The following TBC1D5 variants were observed in gnomAD, a reference collection of about 807,000 sequenced individuals.
TBC1D5 encodes the protein TBC1 domain family, member 5.
TBC1D5 carries 75 observed loss-of-function variants against 100.3 expected under a neutral mutation model. The observed-to-expected ratio is 0.75, with a 90% CI of 0.62 to 0.91. The LOEUF (loss-of-function observed/expected upper bound fraction) is 0.91. Ranked by LOEUF, TBC1D5 falls within the 40% of genes least tolerant of loss-of-function variation. The pLI is 0.00. For missense variants in TBC1D5, 910 were observed against 942.4 expected (o/e 0.97, Z 0.45); for synonymous variants, 323 against 325.6 (o/e 0.99, Z 0.09).
chr3:17,242,881 A>T (rs2076419927), intron 16 of TBC1D5, among the ~76,000 whole-genome samples: 1 of 152,288 alleles, frequency 6.6e-6, no homozygotes, highest in Non-Finnish European at 1.5e-5. Flanking sequence ...TTTTATTACA[A>T]GTAGACAGTA....
At chr3:17,557,527 CTTTGT>C (rs1300043463) in intron 2 of TBC1D5, among the ~76,000 whole-genome samples, 2 of 152,074 alleles carry the variant, frequency 1.3e-5, no homozygotes, top group Admixed American at 6.6e-5. Flanking sequence ...TTCTGGCATT[CTTTGT>C]TTTGTTTGTT....
chr3:17,170,789 C>T (rs1479879361), intron 19 of TBC1D5, among the ~76,000 whole-genome samples: 1 of 152,056 alleles, frequency 6.6e-6, no homozygotes, highest in African/African-American at 2.4e-5. Context: ...AGATGTGAGC[C>T]CATCCCAGAA....
intron 17 of TBC1D5, among the ~76,000 whole-genome samples, chr3:17,227,160 G>A (rs2148801337): frequency 6.6e-6 from 1 of 152,218 alleles, no homozygotes; most frequent in South Asian, 2.1e-4. Flanking sequence ...TGCGCAAAAG[G>A]GGGAGTGTCC....
chr3:17,258,519 T>C (rs1210015811), exon 16 of TBC1D5: 1 of 1,612,252 alleles, frequency 6.2e-7, no homozygotes, highest in East Asian at 2.2e-5. Context: ...CTTTTATTCA[T>C]GAGGTCTGCT....
In TBC1D5 at chr3:17,216,668, A is replaced by G. The variant is rs567526901; in HGVS notation, c.1589-2298T>C. The stretch of plus-strand genomic sequence containing the variant: ...TTTATTTCTTCCCTTCTCTCCCTCC[A>G]TGTTTCCCACCCACCACCAGGACTC... On this transcript the variant is annotated intron_variant, in intron 17 of 21. Coordinates refer to ENST00000253692, the Ensembl canonical transcript of TBC1D5. 3.3e-5 allele frequency among the ~76,000 whole-genome samples: 5 copies of G among 152,036 alleles called. No homozygotes were observed. In the East Asian group the frequency reaches 9.7e-4, roughly 29 times the overall value.
At chr3:17,466,194 A>G (rs1239262912) in intron 3 of TBC1D5, among the ~76,000 whole-genome samples, 1 of 152,206 alleles carries the variant, frequency 6.6e-6, no homozygotes, top group Non-Finnish European at 1.5e-5. Context: ...AACACATCCC[A>G]GTAAGAATAT....
chr3:17,234,116 T>C (rs1409627253), intron 17 of TBC1D5, among the ~76,000 whole-genome samples: 3 of 152,102 alleles, frequency 2.0e-5, no homozygotes, highest in Non-Finnish European at 2.9e-5. Context: ...TATTTAAAAA[T>C]AGGCATTCTT....
intron 1 of TBC1D5, among the ~76,000 whole-genome samples, chr3:17,670,208 G>A (rs547154196): frequency 1.1e-4 from 16 of 152,166 alleles, no homozygotes; most frequent in South Asian, 1.0e-3. Context: ...ATGTTTTTAC[G>A]TTAAAGCTGA....
At chr3:17,157,751 C>A (rs1253029198) in exon 22 of TBC1D5, 6 of 152,280 alleles carry the variant, frequency 3.9e-5, no homozygotes, top group Non-Finnish European at 1.5e-5. Flanking sequence ...TCAACTCTGA[C>A]TCACAGGTTA....
intron 2 of TBC1D5, among the ~76,000 whole-genome samples, chr3:17,531,184 G>C (rs926494965): frequency 5.3e-5 from 8 of 152,068 alleles, no homozygotes; most frequent in African/African-American, 7.2e-5. Flanking sequence ...TTCTTATACA[G>C]CAATAACAGA....
intron 12 of TBC1D5, 100 bp from the exon 13 acceptor site, chr3:17,372,347 T>A: frequency 1.8e-6 from 2 of 1,123,434 alleles, no homozygotes; most frequent in African/African-American, 1.6e-5. Context: ...GAAGTCTTAT[T>A]ATCTGCCTAC....
intron 3 of TBC1D5, among the ~76,000 whole-genome samples, chr3:17,487,765 A>C (rs145476526): frequency 1.3e-5 from 2 of 152,284 alleles, no homozygotes; most frequent in South Asian, 2.1e-4. Flanking sequence ...CCATCTGAAA[A>C]AGTAAAAGTC....
At chr3:17,642,203 A>G (rs2064577294) in intron 1 of TBC1D5, among the ~76,000 whole-genome samples, 2 of 152,080 alleles carry the variant, frequency 1.3e-5, no homozygotes, top group South Asian at 4.1e-4. Flanking sequence ...ATCAGAGTCA[A>G]TTAACTGAGG....
chr3:17,315,665 G>A (rs1244587833), intron 13 of TBC1D5, among the ~76,000 whole-genome samples: 1 of 152,164 alleles, frequency 6.6e-6, no homozygotes, highest in Non-Finnish European at 1.5e-5. Context: ...TCAGGTTAAG[G>A]GAGTTCACCT....
At chr3:17,588,635 T>C (rs1400927311) in intron 2 of TBC1D5, among the ~76,000 whole-genome samples, 1 of 152,164 alleles carries the variant, frequency 6.6e-6, no homozygotes, top group Non-Finnish European at 1.5e-5. Context: ...TGTGCCTCTT[T>C]TTTTGAAGTT....
At chr3:17,312,224 C>A (rs1358066300) in intron 13 of TBC1D5, among the ~76,000 whole-genome samples, 2 of 152,000 alleles carry the variant, frequency 1.3e-5, no homozygotes, top group Non-Finnish European at 2.9e-5. Flanking sequence ...ATTTGAACTT[C>A]TTTAGAAAAC....
intron 2 of TBC1D5, among the ~76,000 whole-genome samples, chr3:17,528,850 T>C (rs2096176937): frequency 6.6e-6 from 1 of 152,228 alleles, no homozygotes; most frequent in African/African-American, 2.4e-5. Context: ...AAGAAAATGC[T>C]AGCTCAAAAC....
intron 17 of TBC1D5, among the ~76,000 whole-genome samples, chr3:17,228,265 T>G (rs1014782440): frequency 2.0e-5 from 3 of 152,142 alleles, no homozygotes; most frequent in African/African-American, 7.2e-5. Context: ...GATACCTAGT[T>G]GTACGGCCTT....
intron 3 of TBC1D5, among the ~76,000 whole-genome samples, chr3:17,506,019 CA>C (rs1362975851): frequency 7.2e-5 from 11 of 152,130 alleles, no homozygotes; most frequent in Non-Finnish European, 1.3e-4. Flanking sequence ...AAAAATTACA[CA>C]TAACTTCTAC....
Sources: allele counts gnomAD v4.1 joint callset (sites outside exome capture counted in the v4.1 genomes callset), GRCh38; gene constraint gnomAD v4.1.1; transcripts MANE v1.5; gene names NCBI Gene and HGNC (gene_info 2026-07-23, HGNC 2026-07-21).